C19orf18: variants seen among roughly 807,000 people sequenced by gnomAD.
C19orf18 encodes chromosome 19 open reading frame 18.
A neutral mutation model predicts 23.3 loss-of-function variants in C19orf18; 21 were observed. That is an observed-to-expected ratio of 0.90 (90% CI 0.64 to 1.30). The LOEUF (loss-of-function observed/expected upper bound fraction) is 1.30. Ranked by LOEUF, C19orf18 falls within the 50% of genes most tolerant of loss-of-function variation. The probability of loss-of-function intolerance (pLI) is 0.00; values close to 1 mark genes in which losing one functional copy is unlikely to be tolerated. For synonymous variants in C19orf18, 96 were observed against 95.2 expected, an observed-to-expected ratio of 1.01 and a Z score of -0.05; for missense variants, 249 against 259.6, an observed-to-expected ratio of 0.96 and a Z score of 0.28.
At chr19:57,959,797 A>G (rs2123214985) in intron 5 of C19orf18, among the ~76,000 whole-genome samples, 1 of 146,650 alleles carries the variant, frequency 6.8e-6, no homozygotes, top group African/African-American at 2.5e-5. Context: ...TCTGCCTCAA[A>G]AAAAAAAAAA....
intron 3 of C19orf18, among the ~76,000 whole-genome samples, chr19:57,968,557 A>C (rs1370420254): frequency 6.6e-6 from 1 of 152,138 alleles, no homozygotes; most frequent in Non-Finnish European, 1.5e-5. Context: ...GAGGCAAACA[A>C]GGTCATTCTG....
chr19:57,971,413 A>G (rs1279601508), intron 3 of C19orf18, among the ~76,000 whole-genome samples: 1 of 151,920 alleles, frequency 6.6e-6, no homozygotes, highest in Non-Finnish European at 1.5e-5. Context: ...CAGCCACCAA[A>G]TCACTCAAGC....
chr19:57,963,027 T>A lies in C19orf18; in HGVS notation c.372-1476A>T, dbSNP rs1040846144. Among the ~76,000 whole-genome samples, 5 of 136,122 alleles carry A rather than the reference T, an allele frequency of 3.7e-5. No individual in the cohort carries two copies. The East Asian group carries it at 1.0e-3, about 28-fold the overall frequency. 89.3% of individuals were successfully genotyped at this position (136,122 alleles called of 152,430 possible). Reference sequence around the variant, plus strand: ...ATGAAGATGAGTATTTTAACTCAATTTTTTTTTTTTTTTTTGCAGATGGAG... The same window carrying A: ...ATGAAGATGAGTATTTTAACTCAATATTTTTTTTTTTTTTTGCAGATGGAG... On this transcript the variant is annotated intron_variant, in intron 4 of 5. Coordinates refer to ENST00000314391, the MANE Select transcript of C19orf18 (RefSeq NM_152474.5).
chr19:57,969,574 A>AAAAAAAAAAAAAAAAAAAAAAC (rs2072930784), intron 3 of C19orf18, among the ~76,000 whole-genome samples: 1 of 123,366 alleles, frequency 8.1e-6, no homozygotes, highest in Non-Finnish European at 1.9e-5. Flanking sequence ...CAGAAAAAAA[A>AAAAAAAAAAAAAAAAAAAAAAC]AAAAAAAAAA....
intron 4 of C19orf18, among the ~76,000 whole-genome samples, chr19:57,964,422 C>T (rs571349011): frequency 4.3e-4 from 65 of 152,172 alleles, no homozygotes; most frequent in Non-Finnish European, 8.7e-4. Flanking sequence ...GCTGGGACTA[C>T]AGGTGCGTGC....
At chr19:57,966,385 GA>G (rs2072908297) in intron 4 of C19orf18, 144 bp downstream of exon 4, 2 of 571,864 alleles carry the variant, frequency 3.5e-6, no homozygotes, top group African/African-American at 3.7e-5. Context: ...TCCACATGTT[GA>G]AAAACACTAA....
intron 3 of C19orf18, among the ~76,000 whole-genome samples, chr19:57,969,566 G>GAAAAAAAAAAAAAAAAAAAAAAAAAA (rs59100128): frequency 1.1e-4 from 5 of 46,500 alleles, no homozygotes; most frequent in Non-Finnish European, 1.8e-4. Context: ...AAAAAAAACA[G>GAAAAAAAAAAAAAAAAAAAAAAAAAA]AAAAAAAAAA....
chr19:57,969,580 A>G (rs1372494625), intron 3 of C19orf18, among the ~76,000 whole-genome samples: 2 of 133,838 alleles, frequency 1.5e-5, no homozygotes, highest in African/African-American at 5.1e-5. Flanking sequence ...AAAAAAAAAA[A>G]AAAAAAAAAA....
intron 5 of C19orf18, among the ~76,000 whole-genome samples, chr19:57,960,872 T>C (rs1326492082): frequency 6.6e-6 from 1 of 152,146 alleles, no homozygotes; most frequent in Non-Finnish European, 1.5e-5. Context: ...CTCCCACTTA[T>C]CTTTGCCTTT....
chr19:57,965,059 G>C lies in C19orf18; in HGVS notation c.371+1471C>G, dbSNP rs112682697. ...CACATTTCTAGTGAAAGGGAGAGTGGTCGCTCTTTTCTGCTGTGCACTATT... is the reference window on the plus strand; with the variant it reads ...CACATTTCTAGTGAAAGGGAGAGTGCTCGCTCTTTTCTGCTGTGCACTATT... On this transcript the variant is annotated intron_variant, in intron 4 of 5. Transcript: ENST00000314391. Among the ~76,000 whole-genome samples the C allele has an allele frequency of 5.6e-3, 850 of 152,274 alleles. 8 individuals carry two copies. Among genetic ancestry groups the C allele is most frequent in the African/African-American group, 0.019 (808 of 41,556 alleles).
intron 3 of C19orf18, 79 bp from the exon 4 acceptor site, chr19:57,966,711 C>G (rs1017002701): frequency 8.5e-6 from 8 of 945,238 alleles, no homozygotes; most frequent in Non-Finnish European, 8.1e-6. Flanking sequence ...TTTGTCCTTA[C>G]AGAGGGGAAT....
chr19:57,971,472 A>C (rs1159137885), intron 3 of C19orf18, among the ~76,000 whole-genome samples: 1 of 66,376 alleles, frequency 1.5e-5, no homozygotes, highest in African/African-American at 3.9e-5. Context: ...AAACCAGAAT[A>C]AAGTTGTTTT....
chr19:57,961,652 G>T, intron 4 of C19orf18, 101 bp from the exon 5 acceptor site: 1 of 1,323,232 alleles, frequency 7.6e-7, no homozygotes, highest in Non-Finnish European at 1.1e-6. Context: ...CGCTTGTGGA[G>T]TGGGTGCAGA....
In C19orf18 at chr19:57,969,566, G is replaced by GAAAAAAAAAAAA. The variant is rs59100128; in HGVS notation, c.268+2885_268+2896dup. Among the ~76,000 whole-genome samples, 124 of 46,506 alleles carry GAAAAAAAAAAAA rather than the reference G, an allele frequency of 2.7e-3. 1 individual carries two copies. The highest frequency in any genetic ancestry group is 4.5e-3 in the South Asian group (3 of 672). The allele number at this position is 46,506 out of a possible 152,430, so 30.5% of individuals were successfully genotyped here. On this transcript the variant is annotated intron_variant, in intron 3 of 5. Coordinates refer to ENST00000314391, the MANE Select transcript of C19orf18 (RefSeq NM_152474.5). Reference sequence around the variant, plus strand: ...TGAGACTCTGTCTTAAAAAAAAACAGAAAAAAAAAAAAAAAAAAAAAAAAA... The same window carrying GAAAAAAAAAAAA: ...TGAGACTCTGTCTTAAAAAAAAACAGAAAAAAAAAAAAAAAAAAAAAAAAAAAAAAAAAAAAA...
At chr19:57,961,246 G>GAAAA in intron 5 of C19orf18, 145 bp downstream of exon 5, 4 of 938,802 alleles carry the variant, frequency 4.3e-6, no homozygotes, top group Non-Finnish European at 6.1e-6. Context: ...AAAAAAAAAT[G>GAAAA]AAAGAAAGAA....
chr19:57,972,047 G>A (rs77895023), intron 3 of C19orf18, among the ~76,000 whole-genome samples: 7,940 of 152,328 alleles, frequency 0.052, 303 homozygotes, highest in Middle Eastern at 0.078. Flanking sequence ...GAGAAGGAAG[G>A]ATGCTCTGGG....
chr19:57,959,946 TA>T (rs2072854376), intron 5 of C19orf18, among the ~76,000 whole-genome samples: 2 of 150,402 alleles, frequency 1.3e-5, no homozygotes, highest in Admixed American at 6.6e-5. Context: ...CCGTCTCTAC[TA>T]AAAATACAAA....
intron 3 of C19orf18, among the ~76,000 whole-genome samples, chr19:57,970,299 C>T (rs1277409745): frequency 6.6e-6 from 1 of 152,086 alleles, no homozygotes. Context: ...GGAACGTTGC[C>T]GTCTATAACC....
chr19:57,970,858 C>T (rs762918733), intron 3 of C19orf18, among the ~76,000 whole-genome samples: 5 of 152,292 alleles, frequency 3.3e-5, no homozygotes, highest in East Asian at 1.9e-4. Context: ...GTACTGCACC[C>T]GGACCATCAA....
Sources: allele counts gnomAD v4.1 joint callset (sites outside exome capture counted in the v4.1 genomes callset), GRCh38; gene constraint gnomAD v4.1.1; transcripts MANE v1.5; gene names NCBI Gene and HGNC (gene_info 2026-07-23, HGNC 2026-07-21).